The following PCDHA4 variants were observed in gnomAD, a reference collection of about 807,000 sequenced individuals.
PCDHA4 encodes protocadherin alpha-4.
PCDHA4 carries 49 observed loss-of-function variants against 61.4 expected under a neutral mutation model. The observed-to-expected ratio is 0.80, with a 90% CI of 0.63 to 1.01. PCDHA4 has a LOEUF of 1.01. PCDHA4 is among the 50% of genes least tolerant of loss of function. The pLI, the probability that PCDHA4 is intolerant of heterozygous loss-of-function variation, is 0.00. For missense variants in PCDHA4, 1,254 were observed against 1,235.8 expected (o/e 1.01, Z -0.22); for synonymous variants, 590 against 550.3 (o/e 1.07, Z -1.01).
At chr5:140,998,779 G>T (rs782154283) in intron 3 of PCDHA4, among the ~76,000 whole-genome samples, 3 of 152,140 alleles carry the variant, frequency 2.0e-5, no homozygotes, top group Non-Finnish European at 4.4e-5. Context: ...GGTCAGGCTG[G>T]TCTGGAACCC....
At chr5:140,891,972 T>C (rs1273277446) in intron 1 of PCDHA4, among the ~76,000 whole-genome samples, 1 of 152,222 alleles carries the variant, frequency 6.6e-6, no homozygotes, top group African/African-American at 2.4e-5. Flanking sequence ...TAAATTTCCG[T>C]TCTCATAAAT....
intron 1 of PCDHA4, among the ~76,000 whole-genome samples, chr5:140,945,159 A>G (rs1341706509): frequency 2.0e-5 from 3 of 152,178 alleles, no homozygotes; most frequent in Non-Finnish European, 4.4e-5. Flanking sequence ...TACACTATTG[A>G]ACTATCTGAA....
chr5:140,827,149 A>T (rs1024962565), intron 1 of PCDHA4, among the ~76,000 whole-genome samples: 5 of 152,210 alleles, frequency 3.3e-5, no homozygotes, highest in Admixed American at 6.5e-5. Flanking sequence ...AGGGATGCAG[A>T]TATGGATTTG....
intron 1 of PCDHA4, among the ~76,000 whole-genome samples, chr5:140,838,898 G>A (rs1024702738): frequency 6.6e-6 from 1 of 151,748 alleles, no homozygotes; most frequent in Non-Finnish European, 1.5e-5. Context: ...CTAGGTGACA[G>A]AGCAATACCT....
At chr5:140,809,685 T>A in intron 1 of PCDHA4, 113 bp downstream of exon 1, 2 of 1,300,104 alleles carry the variant, frequency 1.5e-6, no homozygotes, top group South Asian at 1.5e-5. Context: ...TACCTCTTTT[T>A]ACATATCCAT....
intron 1 of PCDHA4, chr5:140,830,490 G>A: frequency 1.3e-6 from 2 of 1,489,110 alleles, no homozygotes; most frequent in Non-Finnish European, 1.8e-6. Context: ...GCCAAAGTAA[G>A]TGAATTTTCA....
In PCDHA4 at chr5:140,842,604, G is replaced by A. The variant is rs1254196927; in HGVS notation, c.2385+33032G>A. 5 of 1,550,084 alleles carry A rather than the reference G, an allele frequency of 3.2e-6. No homozygotes were observed. The highest frequency in any genetic ancestry group is 1.1e-5 in the South Asian group (1 of 89,394). The stretch of plus-strand genomic sequence containing the variant: ...GCCTATGAGTTGGTGGTAACCGCGC[G>A]GGACGGGGGCTCGCCTTCGCTGTGG... On this transcript the variant is annotated intron_variant, in intron 1 of 3. Coordinates refer to ENST00000530339, the MANE Select transcript of PCDHA4 (RefSeq NM_018907.4).
chr5:140,868,356 T>A (rs1465427202), intron 1 of PCDHA4: 1 of 152,118 alleles, frequency 6.6e-6, no homozygotes, highest in Non-Finnish European at 1.5e-5. Flanking sequence ...AGAAAGCAAT[T>A]AAATGTAAAT....
intron 1 of PCDHA4, chr5:140,828,380 G>A: frequency 6.2e-7 from 1 of 1,603,638 alleles, no homozygotes; most frequent in South Asian, 1.1e-5. Flanking sequence ...GGAGCTGTGC[G>A]GGCGGAGCGC....
At chr5:140,968,508 A>T in intron 1 of PCDHA4, 1 of 1,614,068 alleles carries the variant, frequency 6.2e-7, no homozygotes. Flanking sequence ...CACATTCTGT[A>T]CCCTACCTCA....
intron 1 of PCDHA4, among the ~76,000 whole-genome samples, chr5:140,845,274 T>C (rs1779779803): frequency 6.7e-6 from 1 of 149,592 alleles, no homozygotes; most frequent in South Asian, 2.1e-4. Flanking sequence ...TTTGTGAAAG[T>C]AATATTTCCT....
chr5:140,965,216 A>G (rs2095880887), intron 1 of PCDHA4, among the ~76,000 whole-genome samples: 1 of 152,224 alleles, frequency 6.6e-6, no homozygotes, highest in Non-Finnish European at 1.5e-5. Context: ...TTCCTGTGGA[A>G]GAAATGTGAG....
At chr5:140,954,623 G>C (rs1277762311) in intron 1 of PCDHA4, among the ~76,000 whole-genome samples, 2 of 151,776 alleles carry the variant, frequency 1.3e-5, no homozygotes, top group African/African-American at 4.8e-5. Flanking sequence ...GGCTTGTTTG[G>C]GTTTTTCTTG....
intron 3 of PCDHA4, among the ~76,000 whole-genome samples, chr5:141,008,262 G>T (rs1178355094): frequency 6.6e-6 from 1 of 152,198 alleles, no homozygotes; most frequent in Non-Finnish European, 1.5e-5. Flanking sequence ...AGGAGACTGA[G>T]AAGTAATAGG....
At chr5:140,897,591 T>C (rs542451957) in intron 1 of PCDHA4, among the ~76,000 whole-genome samples, 1 of 152,312 alleles carries the variant, frequency 6.6e-6, no homozygotes, top group African/African-American at 2.4e-5. Flanking sequence ...TCTGTCATTG[T>C]TGGACATTTG....
At chr5:140,967,056 G>C in intron 1 of PCDHA4, 1 of 1,612,712 alleles carries the variant, frequency 6.2e-7, no homozygotes, top group Non-Finnish European at 8.5e-7. Flanking sequence ...CTGACGAGTG[G>C]AGCGCTCTTC....
chr5:140,924,391 T>C (rs2081808127), intron 1 of PCDHA4, among the ~76,000 whole-genome samples: 1 of 152,326 alleles, frequency 6.6e-6, no homozygotes, highest in East Asian at 1.9e-4. Flanking sequence ...TTACTACTTA[T>C]ATTGCCTTAT....
chr5:140,967,498 T>G, intron 1 of PCDHA4: 2 of 1,613,108 alleles, frequency 1.2e-6, no homozygotes, highest in Non-Finnish European at 1.7e-6. Flanking sequence ...CACAGATCTC[T>G]GTGCGTGTCC....
intron 1 of PCDHA4, among the ~76,000 whole-genome samples, chr5:140,820,175 T>G (rs1766703327): frequency 6.6e-6 from 1 of 151,982 alleles, no homozygotes; most frequent in East Asian, 1.9e-4. Context: ...AGGCAAATAG[T>G]CTGGGAAATT....
Sources: gnomAD v4.1 joint callset for allele counts (sites outside exome capture counted in the v4.1 genomes callset) on GRCh38, gnomAD v4.1.1 for gene constraint, MANE v1.5 for transcripts, NCBI Gene and HGNC (gene_info 2026-07-23, HGNC 2026-07-21) for gene names.